The following SYNE2 variants were observed in gnomAD, a reference collection of about 807,000 sequenced individuals.
SYNE2 encodes spectrin repeat containing nuclear envelope protein 2.
In SYNE2, 431 loss-of-function variants were observed where a neutral mutation model predicts 856.3. The ratio of observed to expected loss-of-function variants is 0.50; its 90% CI spans 0.47 to 0.55. The LOEUF (loss-of-function observed/expected upper bound fraction) is 0.55, where lower values mean the gene tolerates loss of function less well. SYNE2 is among the 20% of genes least tolerant of loss of function. SYNE2 has a pLI of 0.00. For synonymous variants in SYNE2, 2,923 were observed against 2,872.3 expected, an observed-to-expected ratio of 1.02 and a Z score of -0.56; for missense variants, 8,129 against 8,023.2, an observed-to-expected ratio of 1.01 and a Z score of -0.50.
In SYNE2 at chr14:64,014,992, CAT is replaced by C. The variant is rs1358240677; in HGVS notation, c.4729-1475_4729-1474del. ...ATATATATACACACACACACACACA[CAT>C]ATATAAATATATATATGTGTATATA... is the stretch of plus-strand genomic sequence containing the variant. On this transcript the variant is annotated intron_variant, in intron 32 of 115. Transcript: ENST00000555002. Among the ~76,000 whole-genome samples, 154 of 132,038 alleles carry C rather than the reference CAT, an allele frequency of 1.2e-3. 1 individual carries two copies. Among genetic ancestry groups the C allele is most frequent in the African/African-American group, 1.9e-3 (64 of 33,186 alleles). The allele number at this position is 132,038 out of a possible 152,430, so 86.6% of individuals were successfully genotyped here.
At position 63,982,564 on chromosome 14, in the gene SYNE2, T is replaced by G. The variant is rs942058402; in HGVS notation, c.1837-66T>G. 1.1e-5 allele frequency: 16 copies of G among 1,485,058 alleles called. No individual in the cohort carries two copies. The East Asian group carries it at 3.6e-4, about 34-fold the overall frequency. 92.0% of individuals were successfully genotyped at this position (1,485,058 alleles called of 1,614,324 possible). ...AAAAGAAAAAAGCCTTGGTGAACAT[T>G]GATTATACATAATAGAAAGACAATA... On this transcript the variant is annotated intron_variant, in intron 16 of 115. Transcript: ENST00000555002.
intron 1 of SYNE2, among the ~76,000 whole-genome samples, chr14:63,868,336 G>A (rs1343279235): frequency 2.0e-5 from 3 of 151,988 alleles, no homozygotes; most frequent in African/African-American, 4.8e-5. Context: ...TTAGCCAGGC[G>A]TGGTGGTGCA....
At chr14:64,179,002 A>T (rs906495970) in intron 96 of SYNE2, among the ~76,000 whole-genome samples, 3 of 152,160 alleles carry the variant, frequency 2.0e-5, no homozygotes, top group African/African-American at 4.8e-5. Context: ...CTTTGAGCCC[A>T]GTAGGTCGAG....
At chr14:64,042,192 C>T (rs1180426206) in intron 45 of SYNE2, among the ~76,000 whole-genome samples, 1 of 152,130 alleles carries the variant, frequency 6.6e-6, no homozygotes, top group Non-Finnish European at 1.5e-5. Context: ...AACCTCCAAA[C>T]CTACTGCTGA....
rs550372817 is a variant in SYNE2 at position 63,998,299 on chromosome 14, C to T, written c.3324C>T (p.Tyr1108=). 26 of 1,613,010 alleles carry T rather than the reference C, an allele frequency of 1.6e-5. No homozygotes were observed. Among genetic ancestry groups the T allele is most frequent in the Middle Eastern group, 1.6e-4 (1 of 6,080 alleles). ...LQEESIMEKD[Y]SASINSLLER... ...AAGAAAGCATTATGGAAAAGGATTA[C>T]AGTGCATCTATAAATAGTTTACTAG... The change falls in exon 26 of 116, where the codon TAC becomes TAT. Residue 1108 remains tyrosine (Y), a synonymous_variant. Transcript: ENST00000555002.
chr14:64,085,487 A>G (rs1300576590), intron 57 of SYNE2, among the ~76,000 whole-genome samples: 1 of 152,264 alleles, frequency 6.6e-6, no homozygotes, highest in Non-Finnish European at 1.5e-5. Flanking sequence ...ATGTTTATAT[A>G]TAAATCTTTG....
At position 63,948,048 on chromosome 14, in the gene SYNE2, T is replaced by G. The variant is rs533424321; in HGVS notation, c.409-1777T>G. Among the ~76,000 whole-genome samples, 118 of 152,324 alleles carry G rather than the reference T, an allele frequency of 7.7e-4. 2 individuals are homozygous for G. The highest frequency in any genetic ancestry group is 2.3e-3 in the South Asian group (11 of 4,824). On this transcript the variant is annotated intron_variant, in intron 6 of 115. Coordinates refer to ENST00000555002, the MANE Select transcript of SYNE2 (RefSeq NM_182914.3). ...ATCCGACAGTGTAAGTTGTCCAACT[T>G]ATTCTTTAAGAAAGTCTTCATTATT...
At chr14:63,936,153 G>A (rs1410168334) in intron 2 of SYNE2, among the ~76,000 whole-genome samples, 8 of 152,170 alleles carry the variant, frequency 5.3e-5, no homozygotes, top group East Asian at 3.9e-4. Flanking sequence ...GATTACAGGC[G>A]TGAGCCACCG....
chr14:63,898,377 G>A (rs1444870271), intron 1 of SYNE2, among the ~76,000 whole-genome samples: 1 of 151,826 alleles, frequency 6.6e-6, no homozygotes, highest in Non-Finnish European at 1.5e-5. Context: ...GCATACTTTC[G>A]TTCATCTTGT....
intron 94 of SYNE2, among the ~76,000 whole-genome samples, chr14:64,171,278 C>T (rs1049293872): frequency 3.7e-4 from 56 of 152,212 alleles, no homozygotes; most frequent in African/African-American, 1.3e-3. Flanking sequence ...ACAGCCCTCA[C>T]TCATTATGCA....
chr14:64,021,564 A>G (rs747296010), intron 36 of SYNE2, 49 bp downstream of exon 36: 2 of 1,601,520 alleles, frequency 1.2e-6, no homozygotes, highest in Admixed American at 3.3e-5. Flanking sequence ...TTTTCACACT[A>G]TTTGCAGTTG....
intron 8 of SYNE2, among the ~76,000 whole-genome samples, chr14:63,960,500 C>A (rs991500451): frequency 3.3e-5 from 5 of 152,130 alleles, no homozygotes; most frequent in African/African-American, 7.2e-5. Flanking sequence ...AAGGCATGGA[C>A]CATACCTTAT....
Position 64,020,098 on chromosome 14 carries a change from G to A in SYNE2, c.5151+5G>A. On this transcript the variant is annotated splice_donor_5th_base_variant and intron_variant, in intron 35 of 115. Transcript: ENST00000555002. ...GAAATACCTCTTGAATTGCAGGTAA[G>A]AATTTTTATTTAAAAGTTTCAGTTA... The A allele has an allele frequency of 6.3e-7, 1 of 1,583,536 alleles. No individual in the cohort carries two copies. Among genetic ancestry groups the A allele is most frequent in the Non-Finnish European group, 8.6e-7 (1 of 1,157,446 alleles).
Position 64,190,125 on chromosome 14 carries a change from A to G in SYNE2, c.17926A>G (p.Met5976Val), listed in dbSNP as rs1393175323. 16 of 1,614,186 alleles carry G rather than the reference A, an allele frequency of 9.9e-6. No individual in the cohort carries two copies. Among genetic ancestry groups the G allele is most frequent in the Middle Eastern group, 1.6e-4 (1 of 6,062 alleles). The change falls in exon 99 of 116, where the codon ATG (methionine) becomes GTG (valine). Residue 5976 changes from methionine to valine, a missense_variant. Met to Val is a conservative substitution (Grantham distance 21). Around this residue, in one of 3 missense-constraint regions of SYNE2, gnomAD observed 5,410 missense variants for 5,284.8 expected, o/e 1.02. Coordinates refer to ENST00000555002, the MANE Select transcript of SYNE2 (RefSeq NM_182914.3). ...TGAAAACAAGTTACAGTTAAAGCAG[A>G]TGGGTGACCAGTTGATCAAGGCCAG... is the stretch of plus-strand genomic sequence containing the variant. ...FSENKLQLKQ[M>V]GDQLIKASNK...
intron 99 of SYNE2, among the ~76,000 whole-genome samples, chr14:64,202,505 TG>T (rs1462685047): frequency 2.0e-5 from 3 of 152,168 alleles, no homozygotes; most frequent in Non-Finnish European, 4.4e-5. Flanking sequence ...GAAGATGAAC[TG>T]GGTCTCAGGG....
At chr14:64,206,231 C>T (rs1034556271) in intron 100 of SYNE2, among the ~76,000 whole-genome samples, 2 of 152,204 alleles carry the variant, frequency 1.3e-5, no homozygotes, top group African/African-American at 4.8e-5. Flanking sequence ...GGCAGAAAAA[C>T]GAAATGAACA....
intron 57 of SYNE2, among the ~76,000 whole-genome samples, chr14:64,086,099 G>T (rs991365618): frequency 6.6e-6 from 1 of 152,128 alleles, no homozygotes; most frequent in Non-Finnish European, 1.5e-5. Context: ...GGGTTACAAA[G>T]ATTTCTTCCT....
At position 63,966,348 on chromosome 14, in the gene SYNE2, CTACAAAAAA is replaced by C. The variant is rs1455305877; in HGVS notation, c.991-1351_991-1343del. The stretch of plus-strand genomic sequence containing the variant: ...TGGACAACATGGTGAAACCTTGTAT[CTACAAAAAA>C]TACAAAAAAAAAAAAATTAGCTGGA... On this transcript the variant is annotated intron_variant, in intron 10 of 115. Transcript: ENST00000555002. 2.0e-5 allele frequency among the ~76,000 whole-genome samples: 3 copies of C among 149,228 alleles called. No individual in the cohort carries two copies. In the Admixed American group the frequency reaches 2.0e-4, roughly 10 times the overall value.
intron 10 of SYNE2, among the ~76,000 whole-genome samples, chr14:63,964,608 G>A (rs1014895691): frequency 7.9e-5 from 12 of 151,816 alleles, no homozygotes; most frequent in African/African-American, 1.2e-4. Flanking sequence ...CACCGCAGCC[G>A]CCACCTCCCA....
Sources: gnomAD v4.1 joint callset for allele counts (sites outside exome capture counted in the v4.1 genomes callset) on GRCh38, gnomAD v4.1.1 for gene constraint, gnomAD v4.1.1 regional missense constraint, MANE v1.5 for transcripts, NCBI Gene and HGNC (gene_info 2026-07-23, HGNC 2026-07-21) for gene names.